The following ZNF623 variants were observed in gnomAD, a reference collection of about 807,000 sequenced individuals.
ZNF623 encodes the protein zinc finger protein 623.
Under a neutral mutation model 24.0 loss-of-function variants are expected in ZNF623, and 16 were observed. That is an observed-to-expected ratio of 0.67 (90% CI 0.45 to 1.01). The LOEUF is 1.01. Ranked by LOEUF, ZNF623 falls within the 50% of genes least tolerant of loss-of-function variation. ZNF623 has a pLI of 0.00. For missense variants in ZNF623, 566 were observed against 606.5 expected, an observed-to-expected ratio of 0.93 and a Z score of 0.70; for synonymous variants, 224 against 219.8, an observed-to-expected ratio of 1.02 and a Z score of -0.17.
chr8:143,646,045 C>CT (rs1329474322), intron 1 of ZNF623, among the ~76,000 whole-genome samples: 1 of 150,818 alleles, frequency 6.6e-6, no homozygotes, highest in African/African-American at 2.4e-5. Context: ...AGTGTTGGAG[C>CT]TTTTTTTTTA....
chr8:143,651,701 T>C lies in ZNF623; in HGVS notation c.*218T>C, dbSNP rs1439668913. ...AGAGTCACAGGGCTTGACACCTGAC[T>C]CTGAGCTGGAACAGTAGGGGCAGGG... On this transcript the variant is annotated 3_prime_UTR_variant, in exon 2 of 2. Coordinates refer to ENST00000526926, the MANE Select transcript of ZNF623 (RefSeq NM_001261843.2). 7 of 514,796 alleles carry C rather than the reference T, an allele frequency of 1.4e-5. No individual in the cohort carries two copies. The East Asian group carries it at 1.9e-4, about 14-fold the overall frequency. The allele number at this position is 514,796 out of a possible 1,614,324, so 31.9% of individuals were successfully genotyped here.
chr8:143,640,569 A>G (rs1006635162), intron 1 of ZNF623, among the ~76,000 whole-genome samples: 6 of 152,218 alleles, frequency 3.9e-5, no homozygotes, highest in Admixed American at 2.0e-4. Flanking sequence ...CTTTGTTGTC[A>G]TTTCAACAGT....
Position 143,650,878 on chromosome 8 carries a change from C to G in ZNF623, c.886C>G (p.Gln296Glu). 2 of 1,614,106 alleles carry G rather than the reference C, an allele frequency of 1.2e-6. No homozygotes were observed. Among genetic ancestry groups the G allele is most frequent in the South Asian group, 1.1e-5 (1 of 91,080 alleles). Reference sequence around the variant, plus strand: ...CTTTATTCGGAGTTCAAAGCTCATTCAGCATCAGAGGATCCATACTGGGGA... The same window carrying G: ...CTTTATTCGGAGTTCAAAGCTCATTGAGCATCAGAGGATCCATACTGGGGA... ...KAFIRSSKLI[Q>E]HQRIHTGERP... Residue 296 changes from glutamine to glutamate, a missense_variant, in exon 2 of 2, where the codon CAG becomes GAG. By Grantham distance (29) the Gln-to-Glu change is conservative (BLOSUM62 2). Transcript: ENST00000526926. This position sits in a 1 kb window ranked among gnomAD's most constrained non-coding sequence, Gnocchi z 5.2.
rs758331057 is a variant in ZNF623 at position 143,651,129 on chromosome 8, T to G, written c.1137T>G (p.Thr379=). ...CGTTTCTCCAGAAAGCCCATCTCAC[T>G]GAGCACCAGAAGATCCACTCTGGGG... The part of the protein sequence containing the change: ...GKAFLQKAHL[T]EHQKIHSGDR... Residue 379 remains threonine, a synonymous_variant, in exon 2 of 2, where the codon ACT becomes ACG. Transcript: ENST00000526926. 5.6e-6 allele frequency: 9 copies of G among 1,614,010 alleles called. No homozygotes were observed. The highest frequency in any genetic ancestry group is 7.6e-6 in the Non-Finnish European group (9 of 1,179,996).
At chr8:143,641,853 G>A (rs75698084) in intron 1 of ZNF623, among the ~76,000 whole-genome samples, 4,070 of 152,256 alleles carry the variant, frequency 0.027, 168 homozygotes, top group African/African-American at 0.091. Context: ...GCTGTAAACA[G>A]ATGCACTGTC....
chr8:143,646,083 C>G (rs1238565743), intron 1 of ZNF623, among the ~76,000 whole-genome samples: 2 of 152,058 alleles, frequency 1.3e-5, no homozygotes, highest in Non-Finnish European at 2.9e-5. Flanking sequence ...ACTCTGTCAC[C>G]TAGGTTGGAG....
rs1815051855 is a variant in ZNF623 at position 143,641,445 on chromosome 8, T to TGGAAAGGAATC, written c.-96+5300_-96+5301insGGAAAGGAATC. 4.1e-4 allele frequency among the ~76,000 whole-genome samples: 2 copies of TGGAAAGGAATC among 4,876 alleles called. 1 individual carries two copies. Among genetic ancestry groups the TGGAAAGGAATC allele is most frequent in the African/African-American group, 4.5e-4 (2 of 4,400 alleles). 3.2% of individuals were successfully genotyped at this position (4,876 alleles called of 152,430 possible). ...AGGAGCATTGTCAGTGAGTAGTGTT[T>TGGAAAGGAATC]TTTTTTTTTTTTTTTTTTTTTTCTT... On this transcript the variant is annotated intron_variant, in intron 1 of 1. Transcript: ENST00000526926.
rs1377307612 is a variant in ZNF623 at position 143,653,591 on chromosome 8, A to G, written c.*2108A>G. The G allele has an allele frequency of 1.8e-5, 3 of 167,108 alleles. No homozygotes were observed. The highest frequency in any genetic ancestry group is 7.2e-5 in the African/African-American group (3 of 41,534). The allele number at this position is 167,108 out of a possible 1,614,324, so 10.4% of individuals were successfully genotyped here. ...CTTTTGCCTTTTCCTAGTTAAGCCCACTCCAGCCCCAGATAACCACTTTCT... is the reference window on the plus strand; with the variant it reads ...CTTTTGCCTTTTCCTAGTTAAGCCCGCTCCAGCCCCAGATAACCACTTTCT... On this transcript the variant is annotated 3_prime_UTR_variant, in exon 2 of 2. Coordinates refer to ENST00000526926, the MANE Select transcript of ZNF623 (RefSeq NM_001261843.2).
chr8:143,648,570 C>T (rs147991774), intron 1 of ZNF623, among the ~76,000 whole-genome samples: 87 of 152,068 alleles, frequency 5.7e-4, no homozygotes, highest in African/African-American at 1.9e-3. Context: ...GGAACTGGCG[C>T]ACTTCTTCAT....
rs1461632461 is a variant in ZNF623 at position 143,650,550 on chromosome 8, G to A, written c.558G>A (p.Gln186=). ...ACAGTTCAGACCTGATTAGGCACCA[G>A]AGAGTTCACACCAGAGAGAGACCTT... The part of the protein sequence containing the change: ...FCHSSDLIRH[Q]RVHTRERPFE... The change falls in exon 2 of 2, where the codon CAG becomes CAA. Residue 186 remains glutamine (Q), a synonymous_variant. Transcript: ENST00000526926. The surrounding 1 kb of genome is among the most constrained non-coding windows in gnomAD (Gnocchi z 5.2). 6.2e-7 allele frequency: 1 copy of A among 1,614,254 alleles called. No homozygotes were observed. Among genetic ancestry groups the A allele is most frequent in the Admixed American group, 1.7e-5 (1 of 60,024 alleles).
At position 143,651,765 on chromosome 8, in the gene ZNF623, A is replaced by G. The variant is rs1815330844; in HGVS notation, c.*282A>G. 2 of 400,320 alleles carry G rather than the reference A, an allele frequency of 5.0e-6. No individual in the cohort carries two copies. The highest frequency in any genetic ancestry group is 9.3e-6 in the Non-Finnish European group (2 of 216,154). The allele number at this position is 400,320 out of a possible 1,614,324, so 24.8% of individuals were successfully genotyped here. A position where few individuals can be genotyped will look rare whatever the true frequency, so the allele number is the denominator to read the frequency against. On this transcript the variant is annotated 3_prime_UTR_variant, in exon 2 of 2. Transcript: ENST00000526926. Reference sequence around the variant, plus strand: ...CAAGAAAAGGTTTTTAAGAAGTTTCATCCCCAGTTAAGCAGAGTCCATCCT... The same window carrying G: ...CAAGAAAAGGTTTTTAAGAAGTTTCGTCCCCAGTTAAGCAGAGTCCATCCT...
In ZNF623 at chr8:143,650,090, C is replaced by G; in HGVS notation, c.98C>G (p.Ser33Cys). The change falls in exon 2 of 2, where the codon TCT becomes TGT. Residue 33 changes from serine to cysteine, a missense_variant. Transcript: ENST00000526926. This position sits in a 1 kb window ranked among gnomAD's most constrained non-coding sequence, Gnocchi z 5.2. The stretch of plus-strand genomic sequence containing the variant: ...GGTCAGAGCCTGGGGAGTTCCCCCT[C>G]TCAGGACAGGGGCTGCAAGCAGGTG... ...PEGQSLGSSPSQDRGCKQVTV... is the reference protein window; with the variant it reads ...PEGQSLGSSPCQDRGCKQVTV... The G allele has an allele frequency of 6.2e-7, 1 of 1,614,164 alleles. No homozygotes were observed. Among genetic ancestry groups the G allele is most frequent in the Admixed American group, 1.7e-5 (1 of 60,022 alleles).
chr8:143,638,146 G>A (rs1028712203), intron 1 of ZNF623, among the ~76,000 whole-genome samples: 1 of 152,014 alleles, frequency 6.6e-6, no homozygotes, highest in Admixed American at 6.5e-5. Context: ...TTCGAGACCA[G>A]CCTGACCAAC....
intron 1 of ZNF623, among the ~76,000 whole-genome samples, chr8:143,641,783 G>A (rs1815059623): frequency 6.6e-6 from 1 of 151,970 alleles, no homozygotes; most frequent in Non-Finnish European, 1.5e-5. Context: ...TGTTTTGAAA[G>A]GAATCTTTTT....
intron 1 of ZNF623, among the ~76,000 whole-genome samples, chr8:143,637,243 G>A (rs1814946115): frequency 3.3e-5 from 5 of 152,192 alleles, no homozygotes; most frequent in South Asian, 4.1e-4. Flanking sequence ...GGTGTGGCGC[G>A]GGGCAAGGAG....
Position 143,653,024 on chromosome 8 carries a change from C to T in ZNF623, c.*1541C>T, listed in dbSNP as rs1252900293. ...TGCTGTGGCACAGAGCTGGGAAGGCCTTACAGAAGAGGTGACATTTCAGCT... is the reference window on the plus strand; with the variant it reads ...TGCTGTGGCACAGAGCTGGGAAGGCTTTACAGAAGAGGTGACATTTCAGCT... On this transcript the variant is annotated 3_prime_UTR_variant, in exon 2 of 2. Coordinates refer to ENST00000526926, the MANE Select transcript of ZNF623 (RefSeq NM_001261843.2). The T allele has an allele frequency of 1.8e-5, 3 of 167,194 alleles. No homozygotes were observed. The highest frequency in any genetic ancestry group is 4.4e-5 in the Non-Finnish European group (3 of 68,226). 10.4% of individuals were successfully genotyped at this position (167,194 alleles called of 1,614,324 possible). A position where few individuals can be genotyped will look rare whatever the true frequency, so the allele number is the denominator to read the frequency against.
intron 1 of ZNF623, 35 bp from the exon 2 acceptor site, chr8:143,649,863 A>C (rs1815254315): frequency 1.3e-6 from 2 of 1,590,854 alleles, no homozygotes; most frequent in Admixed American, 1.7e-5. Flanking sequence ...TCTGTTAAGT[A>C]AGGGGAAAGA....
chr8:143,650,755 GAA>G lies in ZNF623; in HGVS notation c.764_765del (p.Glu255ValfsTer13). The G allele has an allele frequency of 6.2e-7, 1 of 1,613,946 alleles. No homozygotes were observed. The highest frequency in any genetic ancestry group is 8.5e-7 in the Non-Finnish European group (1 of 1,180,000). The part of the protein sequence containing the change: ...HTEVKQYECK[E>X]CGKAFRHRSD... ...AGAAGTGAAACAGTATGAATGCAAA[GAA>G]TGTGGGAAGGCATTCCGTCATCGCT... On this transcript the variant is annotated frameshift_variant, in exon 2 of 2. Transcript: ENST00000526926. LOFTEE classifies it high-confidence loss of function. The surrounding 1 kb of genome is among the most constrained non-coding windows in gnomAD (Gnocchi z 5.2).
chr8:143,651,186 A>G lies in ZNF623; in HGVS notation c.1194A>G (p.Lys398=). Residue 398 remains lysine (K), a synonymous_variant, in exon 2 of 2, where the codon AAA becomes AAG. Transcript: ENST00000526926. The part of the protein sequence containing the change: ...DRPFECKDCG[K]AFIQSSKLLL... ...CCTTCGAATGTAAAGACTGTGGGAA[A>G]GCCTTCATCCAGAGCTCCAAGCTGC... The G allele has an allele frequency of 6.2e-7, 1 of 1,614,222 alleles. No individual in the cohort carries two copies. Among genetic ancestry groups the G allele is most frequent in the Non-Finnish European group, 8.5e-7 (1 of 1,180,034 alleles).
Sources: gnomAD v4.1 joint callset for allele counts (sites outside exome capture counted in the v4.1 genomes callset) on GRCh38, gnomAD v4.1.1 for gene constraint, Gnocchi (gnomAD v3.1) non-coding constraint, MANE v1.5 for transcripts, NCBI Gene and HGNC (gene_info 2026-07-23, HGNC 2026-07-21) for gene names.